KCNU1: variants seen among roughly 807,000 people sequenced by gnomAD.
KCNU1 encodes potassium channel subfamily U member 1.
KCNU1 carries 93 observed loss-of-function variants against 126.8 expected under a neutral mutation model. The observed-to-expected ratio is 0.73, with a 90% CI of 0.62 to 0.87. KCNU1 has a LOEUF of 0.87. KCNU1 is among the 40% of genes least tolerant of loss of function. KCNU1 has a pLI of 0.00. For missense variants in KCNU1, 1,330 were observed against 1,367.1 expected (o/e 0.97, Z 0.43); for synonymous variants, 523 against 494.2 (o/e 1.06, Z -0.77).
Position 36,935,767 on chromosome 8 carries a change from CT to C in KCNU1, c.3298del (p.Ser1100LeufsTer6). The stretch of plus-strand genomic sequence containing the variant: ...CTTACCAGCCGAGAACTAACTCCCT[CT>C]CTTTTCCTAAGCAAATAGCATGGAA... ...YSYQPRTNSL[S>X]FPKQIAWNQS... On this transcript the variant is annotated frameshift_variant, in exon 27 of 27. Transcript: ENST00000399881. LOFTEE classifies it low-confidence loss of function (END_TRUNC). 1 of 1,613,486 alleles carries C rather than the reference CT, an allele frequency of 6.2e-7. No homozygotes were observed. The highest frequency in any genetic ancestry group is 8.5e-7 in the Non-Finnish European group (1 of 1,179,572).
intron 24 of KCNU1, among the ~76,000 whole-genome samples, chr8:36,930,570 T>G (rs1256263314): frequency 6.6e-6 from 1 of 152,106 alleles, no homozygotes; most frequent in African/African-American, 2.4e-5. Flanking sequence ...ACAGAACGTC[T>G]CAGTAAATAT....
intron 19 of KCNU1, among the ~76,000 whole-genome samples, chr8:36,892,512 A>G (rs988590228): frequency 1.8e-5 from 2 of 113,586 alleles, no homozygotes; most frequent in African/African-American, 6.9e-5. Context: ...CCCACCAGGT[A>G]TGGTCCATAC....
At chr8:36,921,130 CCAAAA>C (rs578195400) in intron 23 of KCNU1, among the ~76,000 whole-genome samples, 4 of 152,070 alleles carry the variant, frequency 2.6e-5, no homozygotes, top group Non-Finnish European at 4.4e-5. Context: ...GGATCAGAGA[CCAAAA>C]CAAAACAAAA....
chr8:36,901,558 C>T (rs961167798), intron 19 of KCNU1, among the ~76,000 whole-genome samples: 1 of 151,954 alleles, frequency 6.6e-6, no homozygotes. Flanking sequence ...AAGCAGTCAT[C>T]AGAAAGGAAT....
chr8:36,868,618 T>A (rs1215286049), intron 19 of KCNU1, among the ~76,000 whole-genome samples: 1 of 152,078 alleles, frequency 6.6e-6, no homozygotes, highest in East Asian at 1.9e-4. Flanking sequence ...TATACAAAAG[T>A]TATTATCCAA....
At chr8:36,787,518 C>T (rs968589386) in intron 2 of KCNU1, 93 bp downstream of exon 2, 2 of 1,274,728 alleles carry the variant, frequency 1.6e-6, no homozygotes, top group African/African-American at 3.0e-5. Context: ...AGGTAAACAA[C>T]TGACGTTCCT....
At position 36,807,168 on chromosome 8, in the gene KCNU1, G is replaced by A. The variant is rs184614024; in HGVS notation, c.581-207G>A. 3.3e-5 allele frequency among the ~76,000 whole-genome samples: 5 copies of A among 152,300 alleles called. No individual in the cohort carries two copies. In the East Asian group the frequency reaches 9.6e-4, roughly 29 times the overall value. ...CCCATCTTACAGATAAGGAACTAGA[G>A]AAGGCGAGGGGATTGCCTTAGGTTA... On this transcript the variant is annotated intron_variant, in intron 5 of 26. Coordinates refer to ENST00000399881, the MANE Select transcript of KCNU1 (RefSeq NM_001031836.3).
chr8:36,863,093 A>G (rs530463248), intron 18 of KCNU1, among the ~76,000 whole-genome samples: 46 of 152,314 alleles, frequency 3.0e-4, no homozygotes, highest in African/African-American at 1.1e-3. Flanking sequence ...AATCACTGCC[A>G]ATTTAAGTTG....
chr8:36,825,307 T>C lies in KCNU1; in HGVS notation c.1106+7547T>C, dbSNP rs1804277999. Among the ~76,000 whole-genome samples, 3 of 152,236 alleles carry C rather than the reference T, an allele frequency of 2.0e-5. No individual in the cohort carries two copies. In the South Asian group the frequency reaches 6.2e-4, roughly 32 times the overall value. ...ATATTAAATGATGATCCATTTGTCT[T>C]GACCATTTTTATGCTGAATCGTTAG... On this transcript the variant is annotated intron_variant, in intron 10 of 26. Transcript: ENST00000399881.
intron 10 of KCNU1, among the ~76,000 whole-genome samples, chr8:36,827,910 G>A (rs1029063081): frequency 9.9e-5 from 15 of 152,110 alleles, no homozygotes; most frequent in African/African-American, 3.4e-4. Context: ...AATTTTCTCT[G>A]TGTCAGTTCT....
intron 16 of KCNU1, among the ~76,000 whole-genome samples, chr8:36,842,907 ACC>A (rs1169540633): frequency 3.9e-5 from 6 of 152,082 alleles, no homozygotes; most frequent in African/African-American, 1.4e-4. Context: ...CAGGTGATCC[ACC>A]CACCTCGGCT....
intron 19 of KCNU1, chr8:36,889,243 G>GT (rs748952200): frequency 5.6e-6 from 3 of 534,322 alleles, no homozygotes; most frequent in Admixed American, 3.9e-5. Context: ...CTGAACTACC[G>GT]TAAGGATGGT....
In KCNU1 at chr8:36,864,602, ATTTGCT is replaced by A. The variant is rs1217614220; in HGVS notation, c.2009+84_2009+89del. ...ATATATATTGTATTTAAACCAGAAT[ATTTGCT>A]TTATAAACTCCTATACTGACCAATG... is the stretch of plus-strand genomic sequence containing the variant. On this transcript the variant is annotated intron_variant, in intron 19 of 26. Coordinates refer to ENST00000399881, the MANE Select transcript of KCNU1 (RefSeq NM_001031836.3). The A allele has an allele frequency of 3.2e-5, 27 of 842,320 alleles. No individual in the cohort carries two copies. The East Asian group carries it at 6.4e-4, about 20-fold the overall frequency. 52.2% of individuals were successfully genotyped at this position (842,320 alleles called of 1,614,324 possible). A position where few individuals can be genotyped will look rare whatever the true frequency, so the allele number is the denominator to read the frequency against.
At chr8:36,884,597 A>G (rs1240148865) in intron 19 of KCNU1, among the ~76,000 whole-genome samples, 6 of 151,962 alleles carry the variant, frequency 3.9e-5, no homozygotes, top group Non-Finnish European at 8.8e-5. Flanking sequence ...TTAGCCAGGT[A>G]TGGTGGTGCA....
At chr8:36,857,776 G>T (rs1187013235) in intron 18 of KCNU1, among the ~76,000 whole-genome samples, 1 of 152,036 alleles carries the variant, frequency 6.6e-6, no homozygotes, top group African/African-American at 2.4e-5. Flanking sequence ...CTCTTGAGTA[G>T]CTGGGATTAC....
chr8:36,816,948 AAC>A (rs1028354758), intron 9 of KCNU1, among the ~76,000 whole-genome samples: 16 of 81,964 alleles, frequency 2.0e-4, no homozygotes, highest in African/African-American at 9.9e-4. Context: ...AAAAACAAAC[AAC>A]AACAACAACA....
At chr8:36,934,409 C>A (rs1347285672) in intron 26 of KCNU1, among the ~76,000 whole-genome samples, 1 of 151,968 alleles carries the variant, frequency 6.6e-6, no homozygotes, top group Admixed American at 6.6e-5. Context: ...ATAGTACCCA[C>A]CACCAAGACA....
chr8:36,790,358 A>T (rs1481933765), intron 2 of KCNU1, among the ~76,000 whole-genome samples: 1 of 152,146 alleles, frequency 6.6e-6, no homozygotes, highest in Non-Finnish European at 1.5e-5. Context: ...AAAGTTAGAG[A>T]ATAAAAACAT....
chr8:36,821,388 A>T (rs1804117755), intron 10 of KCNU1, among the ~76,000 whole-genome samples: 1 of 152,048 alleles, frequency 6.6e-6, no homozygotes. Context: ...GCCTGTTGCA[A>T]TTTTCCTATC....
Sources: gnomAD v4.1 joint callset for allele counts (sites outside exome capture counted in the v4.1 genomes callset) on GRCh38, gnomAD v4.1.1 for gene constraint, MANE v1.5 for transcripts, NCBI Gene and HGNC (gene_info 2026-07-23, HGNC 2026-07-21) for gene names.